The following ANKRD13C variants were observed in gnomAD, a reference collection of about 807,000 sequenced individuals.
ANKRD13C encodes the protein ankyrin repeat domain 13C, also known as ankyrin repeat domain-containing protein 13C.
Under a neutral mutation model 65.5 loss-of-function variants are expected in ANKRD13C, and 16 were observed. The ratio of observed to expected loss-of-function variants is 0.24; its 90% CI spans 0.17 to 0.37. ANKRD13C has a LOEUF of 0.37. ANKRD13C is among the 10% of genes least tolerant of loss of function. The pLI, the probability that ANKRD13C is intolerant of heterozygous loss-of-function variation, is 1.00. For missense variants in ANKRD13C, 503 were observed against 655.9 expected (o/e 0.77, Z 2.55); for synonymous variants, 235 against 238.7 (o/e 0.98, Z 0.14).
chr1:70,353,489 G>A (rs1682842181), intron 1 of ANKRD13C, among the ~76,000 whole-genome samples: 1 of 152,180 alleles, frequency 6.6e-6, no homozygotes, highest in Non-Finnish European at 1.5e-5. Context: ...TTTACTGAAA[G>A]CAGACAAAAA....
intron 8 of ANKRD13C, among the ~76,000 whole-genome samples, chr1:70,294,244 G>T (rs1008660054): frequency 1.3e-5 from 2 of 152,166 alleles, no homozygotes; most frequent in Non-Finnish European, 2.9e-5. Context: ...CATATGGAGA[G>T]CATAAAAAAG....
intron 8 of ANKRD13C, 92 bp from the exon 9 acceptor site, chr1:70,292,641 T>C (rs1388397659): frequency 2.2e-6 from 2 of 893,146 alleles, no homozygotes; most frequent in East Asian, 2.7e-5. Context: ...AACATGTAGG[T>C]GAAAATAAAT....
intron 12 of ANKRD13C, among the ~76,000 whole-genome samples, chr1:70,266,258 C>CT: frequency 6.6e-6 from 1 of 152,218 alleles, no homozygotes; most frequent in South Asian, 2.1e-4. Context: ...TTGGGATTGG[C>CT]TTTTTTCTAC....
chr1:70,347,018 G>A (rs549216980), intron 1 of ANKRD13C, among the ~76,000 whole-genome samples: 14 of 151,130 alleles, frequency 9.3e-5, no homozygotes, highest in Admixed American at 2.0e-4. Context: ...TGTGAACCGG[G>A]GAGGCGGAGC....
intron 9 of ANKRD13C, among the ~76,000 whole-genome samples, chr1:70,280,392 T>C (rs1037325973): frequency 2.0e-5 from 3 of 152,142 alleles, no homozygotes; most frequent in African/African-American, 4.8e-5. Flanking sequence ...AAGCATGACA[T>C]ACTGGGAAAT....
rs187427391 is a variant in ANKRD13C, at chr1:70,259,005, C to T, written c.*3712G>A. Among the ~76,000 whole-genome samples the T allele has an allele frequency of 4.1e-4, 62 of 152,184 alleles. No homozygotes were observed. The highest frequency in any genetic ancestry group is 1.5e-3 in the African/African-American group (61 of 41,530). On this transcript the variant is annotated 3_prime_UTR_variant, in exon 13 of 13. Coordinates refer to ENST00000370944, the MANE Select transcript of ANKRD13C (RefSeq NM_030816.5). ...AATATGCTGAACCAGCTTGTGGTCT[C>T]GGAGCAATAGGCTTTATTGTATAGT...
chr1:70,270,409 T>C (rs566398159), intron 12 of ANKRD13C, among the ~76,000 whole-genome samples: 1 of 152,178 alleles, frequency 6.6e-6, no homozygotes, highest in Admixed American at 6.5e-5. Context: ...TTTACGAAAA[T>C]GTAAGCAACT....
At chr1:70,290,980 T>C (rs541009217) in intron 9 of ANKRD13C, among the ~76,000 whole-genome samples, 16 of 152,262 alleles carry the variant, frequency 1.1e-4, no homozygotes, top group African/African-American at 3.6e-4. Flanking sequence ...GATCCCTATA[T>C]TGCAGTTTGA....
intron 4 of ANKRD13C, among the ~76,000 whole-genome samples, chr1:70,314,794 G>A (rs1681004487): frequency 6.8e-6 from 1 of 148,000 alleles, no homozygotes; most frequent in Admixed American, 6.7e-5. Flanking sequence ...TAATCATCAT[G>A]ACAGGTCTAT....
intron 1 of ANKRD13C, among the ~76,000 whole-genome samples, chr1:70,349,512 A>G (rs1355879421): frequency 6.6e-6 from 1 of 152,142 alleles, no homozygotes; most frequent in Non-Finnish European, 1.5e-5. Flanking sequence ...AAAAAAAAAA[A>G]AATTCCTACT....
Position 70,314,812 on chromosome 1 carries a change from C to T in ANKRD13C, c.663+669G>A, listed in dbSNP as rs72929277. Among the ~76,000 whole-genome samples, 619 of 150,940 alleles carry T rather than the reference C, an allele frequency of 4.1e-3. 5 individuals carry two copies. The highest frequency in any genetic ancestry group is 0.014 in the African/African-American group (594 of 41,244). On this transcript the variant is annotated intron_variant, in intron 4 of 12. Transcript: ENST00000370944. ...TCATCATGACAGGTCTATCTTTCTCCCACAGTTCTTTCAGGCAGCAGAAAT... is the reference window on the plus strand; with the variant it reads ...TCATCATGACAGGTCTATCTTTCTCTCACAGTTCTTTCAGGCAGCAGAAAT...
intron 1 of ANKRD13C, among the ~76,000 whole-genome samples, chr1:70,349,848 A>T (rs1682674651): frequency 6.6e-6 from 1 of 151,992 alleles, no homozygotes; most frequent in African/African-American, 2.4e-5. Flanking sequence ...AAATTAACAT[A>T]CTCTTGGCCG....
At chr1:70,342,741 C>CAG (rs748957607) in intron 1 of ANKRD13C, among the ~76,000 whole-genome samples, 26 of 64,708 alleles carry the variant, frequency 4.0e-4, no homozygotes, top group African/African-American at 1.5e-3. Flanking sequence ...CACACAATAA[C>CAG]ACACACACAC....
intron 2 of ANKRD13C, 23 bp downstream of exon 2, chr1:70,336,034 TA>T: frequency 7.8e-6 from 6 of 771,066 alleles, no homozygotes; most frequent in Admixed American, 3.9e-5. Flanking sequence ...AAGTTAAACA[TA>T]AAAAAAGAAA....
At chr1:70,268,517 A>G (rs1014030438) in intron 12 of ANKRD13C, among the ~76,000 whole-genome samples, 2 of 152,204 alleles carry the variant, frequency 1.3e-5, no homozygotes, top group Non-Finnish European at 2.9e-5. Flanking sequence ...ATACAAATGA[A>G]GACATTACTC....
At chr1:70,310,814 G>A (rs1484986254) in intron 5 of ANKRD13C, among the ~76,000 whole-genome samples, 2 of 151,988 alleles carry the variant, frequency 1.3e-5, no homozygotes, top group Non-Finnish European at 2.9e-5. Flanking sequence ...TCCCCACATG[G>A]GAAAAAAATG....
chr1:70,274,841 G>A, intron 10 of ANKRD13C, 23 bp from the exon 11 acceptor site: 1 of 1,502,014 alleles, frequency 6.7e-7, no homozygotes, highest in Non-Finnish European at 9.3e-7. Context: ...GAAAAAAAAT[G>A]TTAGGAAACT....
rs1322268501 is a variant in ANKRD13C, at chr1:70,354,699, G to C, written c.-291C>G. ...GTCGCTGCCTTACACCGAAAAACAG[G>C]GCACGGCCATCTTCCTCTTGCTCCT... On this transcript the variant is annotated 5_prime_UTR_variant, in exon 1 of 13. Coordinates refer to ENST00000370944, the MANE Select transcript of ANKRD13C (RefSeq NM_030816.5). The C allele has an allele frequency of 2.0e-5, 15 of 747,060 alleles. No homozygotes were observed. Among genetic ancestry groups the C allele is most frequent in the African/African-American group, 1.8e-5 (1 of 56,478 alleles). 46.3% of individuals were successfully genotyped at this position (747,060 alleles called of 1,614,324 possible). A position where few individuals can be genotyped will look rare whatever the true frequency, so the allele number is the denominator to read the frequency against.
intron 12 of ANKRD13C, 35 bp from the exon 13 acceptor site, chr1:70,262,882 T>A: frequency 6.4e-7 from 1 of 1,569,790 alleles, no homozygotes; most frequent in South Asian, 1.1e-5. Context: ...CATTGTAAAA[T>A]CAAATGTTAA....
Sources: gnomAD v4.1 joint callset for allele counts (sites outside exome capture counted in the v4.1 genomes callset) on GRCh38, gnomAD v4.1.1 for gene constraint, MANE v1.5 for transcripts, NCBI Gene and HGNC (gene_info 2026-07-23, HGNC 2026-07-21) for gene names.